Variants in STK38L observed in about 807,000 individuals in gnomAD.
STK38L encodes the protein serine/threonine kinase 38 like, also known as serine/threonine-protein kinase 38-like.
Under a neutral mutation model 59.7 loss-of-function variants are expected in STK38L, and 28 were observed. The observed-to-expected ratio is 0.47, with a 90% CI of 0.35 to 0.64. STK38L has a LOEUF of 0.64. STK38L is among the 30% of genes least tolerant of loss of function. The pLI, the probability that STK38L is intolerant of heterozygous loss-of-function variation, is 0.01. For synonymous variants in STK38L, 162 were observed against 176.8 expected (o/e 0.92, Z 0.66); for missense variants, 314 against 555.8 (o/e 0.56, Z 4.37).
In STK38L at chr12:27,324,107, G is replaced by A. The variant is rs1944789572; in HGVS notation, c.*1652G>A. ...GGGTAGCTCCACAGTGTTTCATAAGGCCATCCTGTTTCCCCCAACTCCCCC... is the reference window on the plus strand; with the variant it reads ...GGGTAGCTCCACAGTGTTTCATAAGACCATCCTGTTTCCCCCAACTCCCCC... On this transcript the variant is annotated 3_prime_UTR_variant, in exon 14 of 14. Coordinates refer to ENST00000389032, the MANE Select transcript of STK38L (RefSeq NM_015000.4). 6.6e-6 allele frequency: 1 copy of A among 151,976 alleles called. No individual in the cohort carries two copies. The highest frequency in any genetic ancestry group is 1.9e-4 in the East Asian group (1 of 5,184). The allele number at this position is 151,976 out of a possible 1,614,324, so 9.4% of individuals were successfully genotyped here. A position where few individuals can be genotyped will look rare whatever the true frequency, so the allele number is the denominator to read the frequency against.
intron 1 of STK38L, among the ~76,000 whole-genome samples, chr12:27,274,771 G>T (rs1310360418): frequency 1.3e-5 from 2 of 152,152 alleles, no homozygotes; most frequent in African/African-American, 4.8e-5. Context: ...TTTGAAGAAG[G>T]AACTTGTTAC....
intron 1 of STK38L, among the ~76,000 whole-genome samples, chr12:27,266,499 C>T (rs1046028709): frequency 4.6e-5 from 7 of 152,164 alleles, no homozygotes; most frequent in African/African-American, 1.7e-4. Flanking sequence ...GGTAGAAATT[C>T]TTTATATTAC....
At chr12:27,313,226 C>A (rs565845021) in intron 6 of STK38L, among the ~76,000 whole-genome samples, 2 of 129,620 alleles carry the variant, frequency 1.5e-5, no homozygotes, top group Non-Finnish European at 3.1e-5. Flanking sequence ...CCGGCCTGGG[C>A]GAAAACAGCG....
chr12:27,325,617 TATTTA>T lies in STK38L; in HGVS notation c.*3164_*3168del, dbSNP rs1295468776. On this transcript the variant is annotated 3_prime_UTR_variant, in exon 14 of 14. Coordinates refer to ENST00000389032, the MANE Select transcript of STK38L (RefSeq NM_015000.4). ...CCCATGATTATTTTCCTGTTGTGTTTATTTAAATTTACTTTCTCTTTAGAAGTGCA... is the reference window on the plus strand; with the variant it reads ...CCCATGATTATTTTCCTGTTGTGTTTAATTTACTTTCTCTTTAGAAGTGCA... 1 of 152,198 alleles carries T rather than the reference TATTTA, an allele frequency of 6.6e-6. No homozygotes were observed. The highest frequency in any genetic ancestry group is 1.5e-5 in the Non-Finnish European group (1 of 68,014). 9.4% of individuals were successfully genotyped at this position (152,198 alleles called of 1,614,324 possible).
At position 27,272,943 on chromosome 12, in the gene STK38L, G is replaced by A. The variant is rs114847480; in HGVS notation, c.-11-24767G>A. On this transcript the variant is annotated intron_variant, in intron 1 of 13. Coordinates refer to ENST00000389032, the MANE Select transcript of STK38L (RefSeq NM_015000.4). ...AAATGTGGACTGTAAAACACATGAA[G>A]AAATACTGGAAAAACAAAAATGGAC... Among the ~76,000 whole-genome samples the A allele has an allele frequency of 3.6e-3, 555 of 152,066 alleles. 4 individuals carry two copies. Among genetic ancestry groups the A allele is most frequent in the African/African-American group, 0.013 (528 of 41,512 alleles).
At chr12:27,300,796 A>T (rs1335129920) in intron 2 of STK38L, among the ~76,000 whole-genome samples, 15 of 152,242 alleles carry the variant, frequency 9.9e-5, no homozygotes, top group Admixed American at 9.8e-4. Context: ...TGGGGTGCTG[A>T]TGTATCAACA....
chr12:27,273,987 G>A (rs1943478692), intron 1 of STK38L, among the ~76,000 whole-genome samples: 1 of 152,116 alleles, frequency 6.6e-6, no homozygotes. Flanking sequence ...GGGTGCGGTG[G>A]TTCACGCCTG....
At chr12:27,269,927 G>A (rs577684403) in intron 1 of STK38L, among the ~76,000 whole-genome samples, 2 of 152,304 alleles carry the variant, frequency 1.3e-5, no homozygotes, top group Admixed American at 1.3e-4. Flanking sequence ...ACAGGCATGA[G>A]CAGCTGCACC....
chr12:27,264,520 A>G (rs544121058), intron 1 of STK38L, among the ~76,000 whole-genome samples: 3 of 152,362 alleles, frequency 2.0e-5, no homozygotes, highest in African/African-American at 7.2e-5. Context: ...AATTAAATGC[A>G]ATTGACTCTC....
chr12:27,318,147 G>A, intron 11 of STK38L, 128 bp downstream of exon 11: 2 of 1,179,886 alleles, frequency 1.7e-6, no homozygotes, highest in African/African-American at 1.6e-5. Context: ...GATCAATAAA[G>A]GTGTTTTTAA....
intron 1 of STK38L, among the ~76,000 whole-genome samples, chr12:27,256,719 T>A (rs1943099229): frequency 6.6e-6 from 1 of 152,256 alleles, no homozygotes; most frequent in South Asian, 2.1e-4. Flanking sequence ...AATTTTCAAC[T>A]GGTTCTCATC....
At position 27,312,638 on chromosome 12, in the gene STK38L, G is replaced by A. The variant is rs971378267; in HGVS notation, c.483G>A (p.Arg161=). The change falls in exon 6 of 14, where the codon AGG becomes AGA. Residue 161 remains arginine (R), a synonymous_variant. Coordinates refer to ENST00000389032, the MANE Select transcript of STK38L (RefSeq NM_015000.4). ...TGTTTTACAGTTTTCAGGATAAGAG[G>A]AATCTTTATCTAATCATGGAATTTC... ...VKMFYSFQDK[R]NLYLIMEFLP... 5 of 1,613,976 alleles carry A rather than the reference G, an allele frequency of 3.1e-6. No individual in the cohort carries two copies. The Admixed American group carries it at 6.7e-5, about 22-fold the overall frequency.
At chr12:27,301,783 T>G (rs1440091884) in intron 2 of STK38L, among the ~76,000 whole-genome samples, 1 of 152,206 alleles carries the variant, frequency 6.6e-6, no homozygotes, top group Non-Finnish European at 1.5e-5. Flanking sequence ...ATAGTTATCT[T>G]TTTATATTTC....
At chr12:27,268,961 G>A (rs1242604825) in intron 1 of STK38L, among the ~76,000 whole-genome samples, 1 of 152,050 alleles carries the variant, frequency 6.6e-6, no homozygotes, top group Non-Finnish European at 1.5e-5. Flanking sequence ...CTTTTTGATG[G>A]GGTTGTTTGT....
At chr12:27,300,129 CTG>C (rs570046581) in intron 2 of STK38L, among the ~76,000 whole-genome samples, 50 of 152,066 alleles carry the variant, frequency 3.3e-4, no homozygotes, top group South Asian at 6.2e-4. Flanking sequence ...ATAAAATTAT[CTG>C]TGTTATTGAA....
At chr12:27,261,515 A>G (rs755442111) in intron 1 of STK38L, among the ~76,000 whole-genome samples, 9 of 152,232 alleles carry the variant, frequency 5.9e-5, no homozygotes, top group Admixed American at 1.3e-4. Flanking sequence ...TTTCTGCAAC[A>G]AATAATTGAC....
intron 2 of STK38L, chr12:27,298,245 C>T (rs994809938): frequency 1.3e-5 from 2 of 155,270 alleles, no homozygotes; most frequent in Admixed American, 6.4e-5. Context: ...CAAGACCAGC[C>T]TGGCCAACAT....
Position 27,281,961 on chromosome 12 carries a change from G to A in STK38L, c.-11-15749G>A, listed in dbSNP as rs541377149. ...TGATACCGGAGAATTGCTTTAACCC[G>A]GGAGGCTGAGGCTGCAGTGAGCCAA... On this transcript the variant is annotated intron_variant, in intron 1 of 13. Coordinates refer to ENST00000389032, the MANE Select transcript of STK38L (RefSeq NM_015000.4). Among the ~76,000 whole-genome samples the A allele has an allele frequency of 2.6e-5, 4 of 152,228 alleles. No homozygotes were observed. In the South Asian group the frequency reaches 6.2e-4, roughly 24 times the overall value.
intron 3 of STK38L, among the ~76,000 whole-genome samples, chr12:27,303,891 G>A (rs939704692): frequency 2.6e-5 from 4 of 152,106 alleles, no homozygotes; most frequent in Non-Finnish European, 5.9e-5. Context: ...AGCACACCAT[G>A]GAAAGCTAGG....
Sources: allele counts gnomAD v4.1 joint callset (sites outside exome capture counted in the v4.1 genomes callset), GRCh38; gene constraint gnomAD v4.1.1; transcripts MANE v1.5; gene names NCBI Gene and HGNC (gene_info 2026-07-23, HGNC 2026-07-21).